The following VPS13B variants were observed in gnomAD, a reference collection of about 807,000 sequenced individuals.
VPS13B encodes vacuolar protein sorting 13 homolog B, also known as intermembrane lipid transfer protein VPS13B.
VPS13B carries 285 observed loss-of-function variants against 426.4 expected under a neutral mutation model. That is an observed-to-expected ratio of 0.67 (90% confidence interval 0.61 to 0.74). VPS13B has a LOEUF of 0.74. Ranked by LOEUF, VPS13B falls within the 30% of genes least tolerant of loss-of-function variation. The pLI, the probability that VPS13B is intolerant of heterozygous loss-of-function variation, is 0.00. For missense variants in VPS13B, 4,537 were observed against 4,782.6 expected, an observed-to-expected ratio of 0.95 and a Z score of 1.51; for synonymous variants, 1,676 against 1,676.4, an observed-to-expected ratio of 1.00 and a Z score of 0.01.
chr8:99,375,381 T>C (rs1813425483), intron 19 of VPS13B, among the ~76,000 whole-genome samples: 1 of 152,240 alleles, frequency 6.6e-6, no homozygotes, highest in East Asian at 1.9e-4. Flanking sequence ...AAAGCTTTGA[T>C]AGATTACATG....
intron 35 of VPS13B, among the ~76,000 whole-genome samples, chr8:99,674,142 T>G (rs908322419): frequency 1.3e-5 from 2 of 152,066 alleles, no homozygotes; most frequent in African/African-American, 4.8e-5. Context: ...GTTTCCTGTT[T>G]AATTTTCTGT....
At chr8:99,184,751 G>T (rs897579511) in intron 16 of VPS13B, among the ~76,000 whole-genome samples, 2 of 152,202 alleles carry the variant, frequency 1.3e-5, no homozygotes, top group Admixed American at 1.3e-4. Context: ...AGCACTTTGG[G>T]AGGCAGATGC....
intron 16 of VPS13B, among the ~76,000 whole-genome samples, chr8:99,181,097 ATAAT>A (rs1483254303): frequency 2.0e-5 from 3 of 152,186 alleles, no homozygotes; most frequent in Admixed American, 6.5e-5. Flanking sequence ...CGAATGACCA[ATAAT>A]TAGTTATGAT....
At chr8:99,280,992 A>G (rs1819142413) in intron 19 of VPS13B, among the ~76,000 whole-genome samples, 1 of 152,274 alleles carries the variant, frequency 6.6e-6, no homozygotes, top group Admixed American at 6.5e-5. Context: ...TCTCTATAGC[A>G]GTGGTCCTCA....
In VPS13B at chr8:99,720,369, A is replaced by G. The variant is rs1833088056; in HGVS notation, c.6682A>G (p.Asn2228Asp). ...LQVFWGQEHL[N>D]CLVLLHELLN... ...GGTCTTCTGGGGTCAAGAACATTTG[A>G]ATTGTTTAGTTCTTCTACATGAATT... Residue 2228 changes from asparagine (N) to aspartate (D), a missense_variant, in exon 38 of 62, where the codon AAT becomes GAT. Asn to Asp is a conservative substitution (Grantham distance 23). Around this residue, in one of 2 missense-constraint regions of VPS13B, gnomAD observed 4,311 missense variants for 4,474.3 expected, o/e 0.96. Transcript: ENST00000357162. 2 of 1,613,170 alleles carry G rather than the reference A, an allele frequency of 1.2e-6. No individual in the cohort carries two copies. The highest frequency in any genetic ancestry group is 1.7e-6 in the Non-Finnish European group (2 of 1,179,852).
chr8:99,556,712 G>GT, intron 31 of VPS13B, 59 bp downstream of exon 31: 1 of 1,568,622 alleles, frequency 6.4e-7, no homozygotes, highest in Non-Finnish European at 8.7e-7. Flanking sequence ...AGAATAGTTG[G>GT]TGATACAATC....
intron 44 of VPS13B, among the ~76,000 whole-genome samples, chr8:99,811,425 A>G (rs1813693764): frequency 6.6e-6 from 1 of 152,160 alleles, no homozygotes; most frequent in African/African-American, 2.4e-5. Flanking sequence ...TTGAGTATGC[A>G]TCAGAATCCC....
intron 56 of VPS13B, 54 bp downstream of exon 56, chr8:99,854,310 A>T: frequency 1.3e-6 from 2 of 1,574,796 alleles, no homozygotes; most frequent in Non-Finnish European, 1.7e-6. Flanking sequence ...TAGAAATGAC[A>T]CGCTTGGGGG....
intron 25 of VPS13B, among the ~76,000 whole-genome samples, chr8:99,487,537 A>T (rs1427182110): frequency 6.6e-6 from 1 of 152,096 alleles, no homozygotes; most frequent in Non-Finnish European, 1.5e-5. Context: ...TAGCATAACC[A>T]CTATCTATTT....
intron 36 of VPS13B, among the ~76,000 whole-genome samples, chr8:99,703,653 C>T (rs939394752): frequency 4.6e-5 from 7 of 152,124 alleles, no homozygotes; most frequent in Non-Finnish European, 7.4e-5. Flanking sequence ...CTTTCCCTTA[C>T]GTGTATATAC....
At chr8:99,530,550 G>A (rs1335768606) in intron 30 of VPS13B, among the ~76,000 whole-genome samples, 1 of 150,726 alleles carries the variant, frequency 6.6e-6, no homozygotes, top group Non-Finnish European at 1.5e-5. Flanking sequence ...GGAGGTGGAG[G>A]TTGCAGTGAG....
At chr8:99,521,256 AT>A (rs1357435919) in intron 30 of VPS13B, among the ~76,000 whole-genome samples, 2 of 152,234 alleles carry the variant, frequency 1.3e-5, no homozygotes, top group African/African-American at 4.8e-5. Flanking sequence ...CTGAAGAAGC[AT>A]AGTTTGGAAA....
At chr8:99,320,985 A>T (rs1004997487) in intron 19 of VPS13B, among the ~76,000 whole-genome samples, 12 of 152,300 alleles carry the variant, frequency 7.9e-5, no homozygotes, top group African/African-American at 2.9e-4. Context: ...ACAAATATTT[A>T]GCATTCATTT....
chr8:99,404,795 T>G (rs1815237719), intron 21 of VPS13B, among the ~76,000 whole-genome samples: 1 of 152,198 alleles, frequency 6.6e-6, no homozygotes, highest in Non-Finnish European at 1.5e-5. Flanking sequence ...CATGTTAAGC[T>G]AACATCACAC....
In VPS13B at chr8:99,671,630, A is replaced by G. The variant is rs542677928; in HGVS notation, c.6046+10139A>G. Reference sequence around the variant, plus strand: ...CTTACTACATTTAAGTCTTCAATCTATTTTGAAGCTTTTGGGTTTGTTTGT... The same window carrying G: ...CTTACTACATTTAAGTCTTCAATCTGTTTTGAAGCTTTTGGGTTTGTTTGT... On this transcript the variant is annotated intron_variant, in intron 35 of 61. Coordinates refer to ENST00000357162, the MANE Select transcript of VPS13B (RefSeq NM_152564.5). Among the ~76,000 whole-genome samples the G allele has an allele frequency of 2.6e-5, 4 of 152,038 alleles. No homozygotes were observed. In the South Asian group the frequency reaches 8.3e-4, roughly 32 times the overall value.
intron 3 of VPS13B, among the ~76,000 whole-genome samples, chr8:99,074,530 T>C (rs1845017608): frequency 6.6e-6 from 1 of 151,724 alleles, no homozygotes; most frequent in South Asian, 2.1e-4. Context: ...AAATTCTACC[T>C]GATTATAGTA....
chr8:99,027,281 A>G (rs888050035), intron 2 of VPS13B, among the ~76,000 whole-genome samples: 8 of 150,864 alleles, frequency 5.3e-5, no homozygotes, highest in Non-Finnish European at 1.2e-4. Flanking sequence ...GTTATTATTG[A>G]TAGGTGAGGA....
At chr8:99,873,209 A>G (rs1393278141) in intron 61 of VPS13B, 3 of 152,062 alleles carry the variant, frequency 2.0e-5, no homozygotes, top group Non-Finnish European at 4.4e-5. Context: ...AAGACTGCAG[A>G]TTTCTTTTGC....
At chr8:99,683,513 G>C (rs73271350) in intron 35 of VPS13B, among the ~76,000 whole-genome samples, 3,568 of 152,130 alleles carry the variant, frequency 0.023, 120 homozygotes, top group African/African-American at 0.076. Context: ...ATTTATGTTG[G>C]TCTTTTAAAA....
Sources: gnomAD v4.1 joint callset for allele counts (sites outside exome capture counted in the v4.1 genomes callset) on GRCh38, gnomAD v4.1.1 for gene constraint, gnomAD v4.1.1 regional missense constraint, MANE v1.5 for transcripts, NCBI Gene and HGNC (gene_info 2026-07-23, HGNC 2026-07-21) for gene names.